Variants in ZNF276 observed in about 807,000 individuals in gnomAD.
The protein encoded by ZNF276 is zinc finger protein 276, also known as centromere protein Z.
A neutral mutation model predicts 63.9 loss-of-function variants in ZNF276; 59 were observed. The ratio of observed to expected loss-of-function variants is 0.92; its 90% confidence interval spans 0.75 to 1.15. ZNF276 has a LOEUF of 1.15. ZNF276 is among the 50% of genes most tolerant of loss of function. The pLI, the probability that ZNF276 is intolerant of heterozygous loss-of-function variation, is 0.00. For synonymous variants in ZNF276, 496 were observed against 348.4 expected (o/e 1.42, Z -4.72); for missense variants, 1,084 against 843.8 (o/e 1.28, Z -3.53).
upstream of ZNF276, chr16:89,720,569 C>G: frequency 8.4e-7 from 1 of 1,193,756 alleles, no homozygotes. Context: ...TCCGCAGGAT[C>G]TGAGCTGTCC....
At chr16:89,728,958 C>T (rs188721322) in intron 5 of ZNF276, among the ~76,000 whole-genome samples, 36 of 152,346 alleles carry the variant, frequency 2.4e-4, no homozygotes, top group African/African-American at 7.2e-4. Flanking sequence ...TGAGCGCCTC[C>T]ACCCCTTCTG....
In ZNF276 at chr16:89,721,624, T is replaced by G; in HGVS notation, c.-17T>G. The G allele has an allele frequency of 6.8e-7, 1 of 1,474,548 alleles. No homozygotes were observed. Among genetic ancestry groups the G allele is most frequent in the East Asian group, 3.0e-5 (1 of 33,158 alleles). The allele number at this position is 1,474,548 out of a possible 1,614,324, so 91.3% of individuals were successfully genotyped here. Reference sequence around the variant, plus strand: ...CCGGGCAGCACCCGCGGGATTCTGCTGGCGTCCTCCGCTGCCATGAAGCGG... The same window carrying G: ...CCGGGCAGCACCCGCGGGATTCTGCGGGCGTCCTCCGCTGCCATGAAGCGG... On this transcript the variant is annotated 5_prime_UTR_variant, in exon 1 of 11. Coordinates refer to ENST00000443381, the MANE Select transcript of ZNF276 (RefSeq NM_001113525.2).
chr16:89,739,588 A>G lies in ZNF276; in HGVS notation c.*1342A>G. 1.9e-6 allele frequency: 3 copies of G among 1,547,520 alleles called. No individual in the cohort carries two copies. The highest frequency in any genetic ancestry group is 2.6e-6 in the Non-Finnish European group (3 of 1,144,042). On this transcript the variant is annotated 3_prime_UTR_variant, in exon 11 of 11. Coordinates refer to ENST00000443381, the MANE Select transcript of ZNF276 (RefSeq NM_001113525.2). ...CAAGAAGTGGCTCAGGCAACTCTGG[A>G]CATCTCTGCCTATTATCAGTGCTGG... is the stretch of plus-strand genomic sequence containing the variant.
At chr16:89,723,110 G>T in intron 2 of ZNF276, 27 bp from the exon 3 acceptor site, 1 of 1,613,158 alleles carries the variant, frequency 6.2e-7, no homozygotes, top group Non-Finnish European at 8.5e-7. Flanking sequence ...TGCTTGTCCT[G>T]CTCATGGCCA....
chr16:89,720,587 C>A, upstream of ZNF276: 1 of 1,224,314 alleles, frequency 8.2e-7, no homozygotes, highest in Non-Finnish European at 1.0e-6. Context: ...TCCAAGGTCA[C>A]TGCACGCCCG....
chr16:89,731,229 G>A (rs1373877655), intron 6 of ZNF276, among the ~76,000 whole-genome samples: 1 of 152,240 alleles, frequency 6.6e-6, no homozygotes, highest in South Asian at 2.1e-4. Flanking sequence ...CGCAGCCTGT[G>A]CGAAGTCAAC....
At chr16:89,729,477 G>A (rs547944482) in intron 6 of ZNF276, among the ~76,000 whole-genome samples, 159 bp downstream of exon 6, 8 of 152,098 alleles carry the variant, frequency 5.3e-5, no homozygotes, top group South Asian at 4.2e-4. Flanking sequence ...AGCGGGAGGC[G>A]GGGGAGGGGC....
chr16:89,723,765 G>C, intron 4 of ZNF276, 56 bp downstream of exon 4: 1 of 1,517,396 alleles, frequency 6.6e-7, no homozygotes, highest in Non-Finnish European at 8.9e-7. Context: ...CAGTGGGGCA[G>C]GGTTTTCAGC....
At chr16:89,726,356 C>A (rs1597979645) in intron 4 of ZNF276, among the ~76,000 whole-genome samples, 1 of 152,116 alleles carries the variant, frequency 6.6e-6, no homozygotes, top group South Asian at 2.1e-4. Context: ...ACCACTATGC[C>A]TGGCTATTTT....
In ZNF276 at chr16:89,740,800, T is replaced by A; in HGVS notation, c.*2554T>A. On this transcript the variant is annotated 3_prime_UTR_variant, in exon 11 of 11. Coordinates refer to ENST00000443381, the MANE Select transcript of ZNF276 (RefSeq NM_001113525.2). ...GACACCTTGGCTGGTAAGGTCTGAC[T>A]TACATTTGAGGTCAGATGTGACGAC... 1 of 1,612,992 alleles carries A rather than the reference T, an allele frequency of 6.2e-7. No individual in the cohort carries two copies. The highest frequency in any genetic ancestry group is 2.2e-5 in the East Asian group (1 of 44,852).
intron 6 of ZNF276, among the ~76,000 whole-genome samples, chr16:89,730,179 A>G (rs2061600172): frequency 1.3e-5 from 2 of 152,354 alleles, no homozygotes; most frequent in Non-Finnish European, 1.5e-5. Context: ...GATGCGAAGC[A>G]GAGGGCAGGA....
intron 6 of ZNF276, among the ~76,000 whole-genome samples, chr16:89,730,388 C>CGAGA (rs2151683442): frequency 6.6e-6 from 1 of 152,276 alleles, no homozygotes; most frequent in Admixed American, 6.5e-5. Context: ...GAATGTGTCT[C>CGAGA]TGGCTTGCTG....
Position 89,733,549 on chromosome 16 carries a change from G to A in ZNF276, c.1348G>A (p.Gly450Ser), listed in dbSNP as rs770851932. The change falls in exon 8 of 11, where the codon GGC (glycine) becomes AGC (serine). Residue 450 changes from glycine (G) to serine (S), a missense_variant. Coordinates refer to ENST00000443381, the MANE Select transcript of ZNF276 (RefSeq NM_001113525.2). ...GCTAVYRGAD[G>S]MKKHIKEHHE... ...CACGGCCGTGTACCGAGGCGCTGAC[G>A]GCATGAAGGTGAGCACTGGCTGTGC... 9 of 1,613,990 alleles carry A rather than the reference G, an allele frequency of 5.6e-6. No homozygotes were observed. Among genetic ancestry groups the A allele is most frequent in the Admixed American group, 1.7e-5 (1 of 60,028 alleles).
rs948435726 is a variant in ZNF276 at position 89,721,947 on chromosome 16, C to T, written c.205+102C>T. The T allele has an allele frequency of 1.5e-4, 122 of 828,940 alleles. No homozygotes were observed. The East Asian group carries it at 4.6e-3, about 31-fold the overall frequency. The allele number at this position is 828,940 out of a possible 1,614,324, so 51.3% of individuals were successfully genotyped here. A position where few individuals can be genotyped will look rare whatever the true frequency, so the allele number is the denominator to read the frequency against. On this transcript the variant is annotated intron_variant, in intron 1 of 10. Coordinates refer to ENST00000443381, the MANE Select transcript of ZNF276 (RefSeq NM_001113525.2). ...GAAGCCGGCGCGGCCTCTCCTCCAC[C>T]CGGCCAAGGGCGTAGCGGACTCGGG... is the stretch of plus-strand genomic sequence containing the variant.
chr16:89,724,502 C>T (rs945868664), intron 4 of ZNF276, among the ~76,000 whole-genome samples: 1 of 152,170 alleles, frequency 6.6e-6, no homozygotes, highest in African/African-American at 2.4e-5. Flanking sequence ...CAAAAACTAG[C>T]CAGGTATGGT....
At position 89,738,449 on chromosome 16, in the gene ZNF276, G is replaced by T. The variant is rs2062022910; in HGVS notation, c.*203G>T. ...TTTCCCGCAAACGCTGAGTGACTCG[G>T]GGCCGGACAGTTCATAAATAATTGA... On this transcript the variant is annotated 3_prime_UTR_variant, in exon 11 of 11. Coordinates refer to ENST00000443381, the MANE Select transcript of ZNF276 (RefSeq NM_001113525.2). 6 of 1,397,848 alleles carry T rather than the reference G, an allele frequency of 4.3e-6. No individual in the cohort carries two copies. The highest frequency in any genetic ancestry group is 2.0e-5 in the Admixed American group (1 of 50,648). 86.6% of individuals were successfully genotyped at this position (1,397,848 alleles called of 1,614,324 possible).
Position 89,727,168 on chromosome 16 carries a change from C to T in ZNF276, c.1007-111C>T, listed in dbSNP as rs1486627286. On this transcript the variant is annotated intron_variant, in intron 4 of 10. Coordinates refer to ENST00000443381, the MANE Select transcript of ZNF276 (RefSeq NM_001113525.2). ...GCCATGGTGGGGAGAACTTGAGGGT[C>T]AGGGACCCCAGTCTCCCTTCTAGTC... The T allele has an allele frequency of 4.4e-6, 5 of 1,136,720 alleles. No homozygotes were observed. In the African/African-American group the frequency reaches 7.6e-5, roughly 17 times the overall value. The allele number at this position is 1,136,720 out of a possible 1,614,324, so 70.4% of individuals were successfully genotyped here. A position where few individuals can be genotyped will look rare whatever the true frequency, so the allele number is the denominator to read the frequency against.
intron 9 of ZNF276, among the ~76,000 whole-genome samples, chr16:89,736,247 G>A (rs1050979498): frequency 2.0e-5 from 3 of 151,776 alleles, no homozygotes; most frequent in Non-Finnish European, 4.4e-5. Flanking sequence ...GGCTGGTCTC[G>A]AGTTCCTGAC....
At chr16:89,721,251 C>G (rs929291374), upstream of ZNF276, 5 of 227,662 alleles carry the variant, frequency 2.2e-5, no homozygotes, top group Non-Finnish European at 4.2e-5. Flanking sequence ...CCGGCGCCTG[C>G]CCGCCCCGCG....
Sources: allele counts gnomAD v4.1 joint callset (sites outside exome capture counted in the v4.1 genomes callset), GRCh38; gene constraint gnomAD v4.1.1; transcripts MANE v1.5; gene names NCBI Gene and HGNC (gene_info 2026-07-23, HGNC 2026-07-21).